ORC3: variants seen among roughly 807,000 people sequenced by gnomAD.
ORC3 encodes homolog of latheo, Drosophila.
A neutral mutation model predicts 100.7 loss-of-function variants in ORC3; 78 were observed. That is an observed-to-expected ratio of 0.77 (90% confidence interval 0.65 to 0.94). ORC3 has a LOEUF of 0.94. Among genes scored for constraint, ORC3 ranks in the 40% least tolerant of loss-of-function variants. ORC3 has a pLI of 0.00. For synonymous variants in ORC3, 295 were observed against 289.3 expected (o/e 1.02, Z -0.20); for missense variants, 789 against 823.9 (o/e 0.96, Z 0.52).
At position 87,612,267 on chromosome 6, in the gene ORC3, A is replaced by G; in HGVS notation, c.873+19A>G. The G allele has an allele frequency of 6.4e-7, 1 of 1,567,296 alleles. No individual in the cohort carries two copies. The highest frequency in any genetic ancestry group is 8.6e-7 in the Non-Finnish European group (1 of 1,157,104). On this transcript the variant is annotated intron_variant, in intron 8 of 19. Coordinates refer to ENST00000392844, the MANE Select transcript of ORC3 (RefSeq NM_012381.4). ...CGATAAGGTAAAAAGAATAAGTTTT[A>G]CCAGTGAAATAGGATGAAAAGAAAA...
chr6:87,665,647 T>C, intron 18 of ORC3, 107 bp from the exon 19 acceptor site: 1 of 650,532 alleles, frequency 1.5e-6, no homozygotes, highest in Non-Finnish European at 2.8e-6. Context: ...AAATTTGATA[T>C]AATGAAGAAT....
At chr6:87,639,381 A>C (rs7764336) in intron 13 of ORC3, among the ~76,000 whole-genome samples, 1 of 152,170 alleles carries the variant, frequency 6.6e-6, no homozygotes, top group South Asian at 2.1e-4. Flanking sequence ...TACCCCCACC[A>C]TAGTGGCCTT....
At chr6:87,614,445 G>C (rs1005736211) in intron 8 of ORC3, among the ~76,000 whole-genome samples, 16 of 152,192 alleles carry the variant, frequency 1.1e-4, no homozygotes, top group African/African-American at 3.9e-4. Flanking sequence ...GGGGATTAAC[G>C]TTTGGCTCTT....
rs200376034 is a variant in ORC3, at chr6:87,635,947, A to ATT, written c.1303-446_1303-445dup. On this transcript the variant is annotated intron_variant, in intron 12 of 19. Coordinates refer to ENST00000392844, the MANE Select transcript of ORC3 (RefSeq NM_012381.4). ...CTCATTTTACTTTTATATAAATTGCATTTTTTTTTTTTTTTGAGACAGAGT... is the reference window on the plus strand; with the variant it reads ...CTCATTTTACTTTTATATAAATTGCATTTTTTTTTTTTTTTTTGAGACAGAGT... 1.5e-3 allele frequency among the ~76,000 whole-genome samples: 215 copies of ATT among 138,946 alleles called. 2 individuals are homozygous for ATT. The highest frequency in any genetic ancestry group is 4.8e-3 in the African/African-American group (182 of 37,756). 91.2% of individuals were successfully genotyped at this position (138,946 alleles called of 152,430 possible). A position where few individuals can be genotyped will look rare whatever the true frequency, so the allele number is the denominator to read the frequency against.
At chr6:87,664,884 C>A in intron 18 of ORC3, 25 bp downstream of exon 18, 1 of 1,406,324 alleles carries the variant, frequency 7.1e-7, no homozygotes, top group Non-Finnish European at 9.9e-7. Flanking sequence ...AAAGAACAAG[C>A]TAGATATTTT....
intron 3 of ORC3, among the ~76,000 whole-genome samples, chr6:87,602,958 T>TATATATATATAC (rs778330429): frequency 1.6e-5 from 2 of 126,800 alleles, no homozygotes; most frequent in African/African-American, 6.2e-5. Flanking sequence ...ATATATAATA[T>TATATATATATAC]ATATATATAT....
chr6:87,640,005 A>G (rs1426074483), intron 13 of ORC3, among the ~76,000 whole-genome samples: 4 of 152,030 alleles, frequency 2.6e-5, no homozygotes, highest in South Asian at 2.1e-4. Flanking sequence ...AAAAATATAC[A>G]TATAAAAGAA....
intron 16 of ORC3, among the ~76,000 whole-genome samples, chr6:87,661,550 C>T (rs1369830125): frequency 6.6e-6 from 1 of 152,168 alleles, no homozygotes; most frequent in East Asian, 1.9e-4. Flanking sequence ...CTCCTGGCCA[C>T]ATCGGGACAA....
chr6:87,601,396 C>T (rs1415084218), intron 2 of ORC3, among the ~76,000 whole-genome samples: 3 of 152,144 alleles, frequency 2.0e-5, no homozygotes, highest in African/African-American at 7.2e-5. Flanking sequence ...TAAGGCCAGG[C>T]AAGGTGGCTC....
chr6:87,632,311 AAC>A (rs1767488489), intron 11 of ORC3, among the ~76,000 whole-genome samples: 1 of 152,244 alleles, frequency 6.6e-6, no homozygotes, highest in African/African-American at 2.4e-5. Flanking sequence ...AACTGATAAA[AAC>A]ACATATAAAT....
At chr6:87,676,931 G>A in the ORC3 span, among the ~76,000 whole-genome samples, 1 of 151,846 alleles carries the variant, frequency 6.6e-6, no homozygotes, top group Admixed American at 6.6e-5. Flanking sequence ...AAGAAAATTA[G>A]CCGGGCATGG....
chr6:87,671,699 A>C (rs2128298842), downstream of ORC3, among the ~76,000 whole-genome samples: 1 of 152,300 alleles, frequency 6.6e-6, no homozygotes, highest in Non-Finnish European at 1.5e-5. Flanking sequence ...GTATTTTGCA[A>C]GCCAACTGAA....
chr6:87,602,224 C>T (rs1777957839), intron 3 of ORC3, among the ~76,000 whole-genome samples: 1 of 152,072 alleles, frequency 6.6e-6, no homozygotes, highest in African/African-American at 2.4e-5. Flanking sequence ...AGAGAGAGAT[C>T]TTGTCTCAAA....
At chr6:87,625,483 G>A (rs145730370) in intron 11 of ORC3, among the ~76,000 whole-genome samples, 73 of 152,198 alleles carry the variant, frequency 4.8e-4, no homozygotes, top group East Asian at 3.7e-3. Context: ...TGTTGGCTGC[G>A]TAAATGTCTT....
intron 17 of ORC3, among the ~76,000 whole-genome samples, chr6:87,663,747 C>T (rs1367880389): frequency 1.3e-5 from 2 of 152,228 alleles, no homozygotes; most frequent in African/African-American, 2.4e-5. Context: ...CAAGACAGCT[C>T]ACAATTTTAG....
chr6:87,593,361 GCACT>G (rs1777184396), intron 1 of ORC3, among the ~76,000 whole-genome samples: 1 of 152,172 alleles, frequency 6.6e-6, no homozygotes, highest in African/African-American at 2.4e-5. Context: ...GTGCTTGAAG[GCACT>G]CACAGTCTAC....
intron 8 of ORC3, 100 bp from the exon 9 acceptor site, chr6:87,616,212 CTG>C: frequency 2.1e-6 from 1 of 472,034 alleles, no homozygotes; most frequent in Non-Finnish European, 3.9e-6. Context: ...TCATAGTTAA[CTG>C]TGTCATAATA....
intron 2 of ORC3, among the ~76,000 whole-genome samples, chr6:87,598,576 G>C (rs950017048): frequency 1.3e-4 from 20 of 151,490 alleles, no homozygotes; most frequent in African/African-American, 4.1e-4. Context: ...CAACTTATTA[G>C]GATTGGTTTA....
chr6:87,648,829 A>G (rs1026445247), intron 13 of ORC3, among the ~76,000 whole-genome samples: 1 of 152,144 alleles, frequency 6.6e-6, no homozygotes, highest in African/African-American at 2.4e-5. Flanking sequence ...TTTTTGATAC[A>G]TATTTAGATT....
Sources: gnomAD v4.1 joint callset for allele counts (sites outside exome capture counted in the v4.1 genomes callset) on GRCh38, gnomAD v4.1.1 for gene constraint, MANE v1.5 for transcripts, NCBI Gene and HGNC (gene_info 2026-07-23, HGNC 2026-07-21) for gene names.